ADGRD1: variants seen among roughly 807,000 people sequenced by gnomAD.
The protein encoded by ADGRD1 is adhesion G protein-coupled receptor D1.
Under a neutral mutation model 113.4 loss-of-function variants are expected in ADGRD1, and 77 were observed. The ratio of observed to expected loss-of-function variants is 0.68; its 90% confidence interval spans 0.57 to 0.82. The LOEUF is 0.82. Among genes scored for constraint, ADGRD1 ranks in the 40% least tolerant of loss-of-function variants. The pLI is 0.00. For synonymous variants in ADGRD1, 474 were observed against 475.0 expected (o/e 1.00, Z 0.03); for missense variants, 1,036 against 1,139.1 (o/e 0.91, Z 1.30).
intron 15 of ADGRD1, among the ~76,000 whole-genome samples, chr12:131,089,538 C>T (rs6486626): frequency 0.63 from 95,945 of 152,030 alleles, 34,192 homozygotes; most frequent in East Asian, 0.88. Context: ...TGTTGGATAC[C>T]CCCTGCCTGC....
At chr12:131,135,671 T>C (rs1191077295) in intron 21 of ADGRD1, among the ~76,000 whole-genome samples, 1 of 151,930 alleles carries the variant, frequency 6.6e-6, no homozygotes, top group African/African-American at 2.4e-5. Context: ...CGGGGGATGC[T>C]CTGCTGCTTC....
At chr12:131,061,999 C>T (rs1208270317) in intron 13 of ADGRD1, among the ~76,000 whole-genome samples, 1 of 152,092 alleles carries the variant, frequency 6.6e-6, no homozygotes, top group Non-Finnish European at 1.5e-5. Flanking sequence ...AATGGAGGAA[C>T]CACAGTTTGA....
At chr12:131,100,344 C>T (rs1350337681) in intron 15 of ADGRD1, among the ~76,000 whole-genome samples, 1 of 142,918 alleles carries the variant, frequency 7.0e-6, no homozygotes, top group Non-Finnish European at 1.5e-5. Context: ...AAGGTTGGTT[C>T]ATGGTCGGTT....
rs1876650754 is a variant in ADGRD1 at position 131,003,406 on chromosome 12, C to T, written c.1144+104C>T. The T allele has an allele frequency of 1.6e-5, 13 of 837,458 alleles. No homozygotes were observed. The South Asian group carries it at 1.6e-4, about 10-fold the overall frequency. 51.9% of individuals were successfully genotyped at this position (837,458 alleles called of 1,614,324 possible). A position where few individuals can be genotyped will look rare whatever the true frequency, so the allele number is the denominator to read the frequency against. ...CCCTTAGCAGAGAGCCATGCTCTGT[C>T]TCCCTGACTGCTCTGCCTGGCACAA... On this transcript the variant is annotated intron_variant, in intron 10 of 24. Coordinates refer to ENST00000261654, the MANE Select transcript of ADGRD1 (RefSeq NM_198827.5). This position sits in a 1 kb window ranked among gnomAD's most constrained non-coding sequence, Gnocchi z 4.8.
At chr12:131,129,866 C>T (rs1285512883) in intron 20 of ADGRD1, among the ~76,000 whole-genome samples, 1 of 152,236 alleles carries the variant, frequency 6.6e-6, no homozygotes, top group Non-Finnish European at 1.5e-5. Flanking sequence ...ATGCTGTAGC[C>T]ACCACTGGAG....
intron 20 of ADGRD1, among the ~76,000 whole-genome samples, chr12:131,129,155 GCTGT>G (rs1413720637): frequency 7.5e-6 from 1 of 133,300 alleles, no homozygotes; most frequent in South Asian, 2.6e-4. Flanking sequence ...GGCCCGCCCT[GCTGT>G]CTGAGTGTGA....
At chr12:131,103,605 G>A (rs1329131641) in intron 15 of ADGRD1, among the ~76,000 whole-genome samples, 1 of 152,268 alleles carries the variant, frequency 6.6e-6, no homozygotes, top group Admixed American at 6.5e-5. Flanking sequence ...GGCCCCCTGG[G>A]CCTGCGGCAT....
In ADGRD1 at chr12:130,954,281, C is replaced by G. The variant is rs1313272350; in HGVS notation, c.-185C>G. The G allele has an allele frequency of 1.9e-6, 1 of 513,178 alleles. No individual in the cohort carries two copies. Among genetic ancestry groups the G allele is most frequent in the Non-Finnish European group, 3.4e-6 (1 of 294,396 alleles). The allele number at this position is 513,178 out of a possible 1,614,324, so 31.8% of individuals were successfully genotyped here. A position where few individuals can be genotyped will look rare whatever the true frequency, so the allele number is the denominator to read the frequency against. ...CACTGAAGAATCTCAAGTTTTGAGA[C>G]GAGGAAGAAACACCCATTAGGTCTC... On this transcript the variant is annotated 5_prime_UTR_variant, in exon 1 of 25. Coordinates refer to ENST00000261654, the MANE Select transcript of ADGRD1 (RefSeq NM_198827.5). This position sits in a 1 kb window ranked among gnomAD's most constrained non-coding sequence, Gnocchi z 4.7.
chr12:131,103,997 AG>A (rs1029997034), intron 15 of ADGRD1, among the ~76,000 whole-genome samples: 4 of 152,268 alleles, frequency 2.6e-5, no homozygotes, highest in East Asian at 3.9e-4. Context: ...TTCAGAACCG[AG>A]GGGGCGCCGT....
At position 130,964,617 on chromosome 12, in the gene ADGRD1, G is replaced by A. The variant is rs535392449; in HGVS notation, c.104-1846G>A. On this transcript the variant is annotated intron_variant, in intron 2 of 24. Transcript: ENST00000261654. ...GGAGAATTGCTTGAACCCAGGAGGC[G>A]GAGGTTGCAGTGAGCCGAGATCGCG... is the stretch of plus-strand genomic sequence containing the variant. 1.1e-3 allele frequency among the ~76,000 whole-genome samples: 169 copies of A among 152,270 alleles called. 2 individuals are homozygous for A. In the Middle Eastern group the frequency reaches 0.02, roughly 18 times the overall value.
chr12:131,024,594 C>T (rs1278442110), intron 13 of ADGRD1: 1 of 152,222 alleles, frequency 6.6e-6, no homozygotes, highest in Non-Finnish European at 1.5e-5. Flanking sequence ...TGGCAGCATT[C>T]AGTACAGTAG....
chr12:130,981,786 C>T lies in ADGRD1; in HGVS notation c.311-98C>T, dbSNP rs572485707. On this transcript the variant is annotated intron_variant, in intron 4 of 24. Transcript: ENST00000261654. ...CTGCCTTTAGAATGGGGACAAAATG[C>T]TTTTCGAATGAAAAATAAAAAGCAA... The T allele has an allele frequency of 2.5e-5, 20 of 814,618 alleles. No individual in the cohort carries two copies. The East Asian group carries it at 4.9e-4, about 20-fold the overall frequency. The allele number at this position is 814,618 out of a possible 1,614,324, so 50.5% of individuals were successfully genotyped here.
intron 13 of ADGRD1, among the ~76,000 whole-genome samples, chr12:131,059,619 G>A (rs1299050342): frequency 6.6e-6 from 1 of 152,192 alleles, no homozygotes; most frequent in Non-Finnish European, 1.5e-5. Context: ...TCTGCTGAGC[G>A]CTGACATGAC....
chr12:131,028,875 G>A (rs1009842060), intron 13 of ADGRD1, among the ~76,000 whole-genome samples: 3 of 152,162 alleles, frequency 2.0e-5, no homozygotes, highest in South Asian at 2.1e-4. Flanking sequence ...TATTCCAGGC[G>A]GCCTCGGCTA....
At chr12:131,072,633 G>A (rs1343774294) in intron 13 of ADGRD1, among the ~76,000 whole-genome samples, 2 of 152,210 alleles carry the variant, frequency 1.3e-5, no homozygotes, top group Admixed American at 1.3e-4. Flanking sequence ...CCTGCATTCT[G>A]TGGTCAGGAC....
intron 15 of ADGRD1, among the ~76,000 whole-genome samples, chr12:131,088,661 G>A (rs961386745): frequency 2.0e-5 from 3 of 152,152 alleles, no homozygotes; most frequent in Admixed American, 6.5e-5. Flanking sequence ...CCCAGGGGTC[G>A]TGAGGGGCAG....
Position 130,967,216 on chromosome 12 carries a change from A to G in ADGRD1, c.187+670A>G, listed in dbSNP as rs895369025. 2.2e-4 allele frequency: 76 copies of G among 343,564 alleles called. 2 individuals are homozygous for G. The highest frequency in any genetic ancestry group is 1.7e-3 in the South Asian group (76 of 44,602). The allele number at this position is 343,564 out of a possible 1,614,324, so 21.3% of individuals were successfully genotyped here. ...CGTTTCATTCAGCAAACGCATCCCC[A>G]TCTACCAGTCAGCTTCCCCACACAT... On this transcript the variant is annotated intron_variant, in intron 3 of 24. Coordinates refer to ENST00000261654, the MANE Select transcript of ADGRD1 (RefSeq NM_198827.5).
At chr12:131,063,179 A>G (rs1884470650) in intron 13 of ADGRD1, among the ~76,000 whole-genome samples, 1 of 152,200 alleles carries the variant, frequency 6.6e-6, no homozygotes, top group Non-Finnish European at 1.5e-5. Context: ...TGAGTTATGG[A>G]TCTGGATTAT....
intron 13 of ADGRD1, among the ~76,000 whole-genome samples, chr12:131,058,156 G>C (rs1884034013): frequency 6.6e-6 from 1 of 152,170 alleles, no homozygotes; most frequent in Non-Finnish European, 1.5e-5. Flanking sequence ...CATGAGACTA[G>C]AAGTTCTTTG....
Sources: gnomAD v4.1 joint callset for allele counts (sites outside exome capture counted in the v4.1 genomes callset) on GRCh38, gnomAD v4.1.1 for gene constraint, Gnocchi (gnomAD v3.1) non-coding constraint, MANE v1.5 for transcripts, NCBI Gene and HGNC (gene_info 2026-07-23, HGNC 2026-07-21) for gene names.